The following TGFBR3 variants were observed in gnomAD, a reference collection of about 807,000 sequenced individuals.
TGFBR3 encodes the protein transforming growth factor beta receptor type 3.
Under a neutral mutation model 87.9 loss-of-function variants are expected in TGFBR3, and 46 were observed. That is an observed-to-expected ratio of 0.52 (90% confidence interval 0.41 to 0.67). The LOEUF (loss-of-function observed/expected upper bound fraction) is 0.67. Ranked by LOEUF, TGFBR3 falls within the 30% of genes least tolerant of loss-of-function variation. The pLI is 0.00. For missense variants in TGFBR3, 866 were observed against 1,041.9 expected (o/e 0.83, Z 2.32); for synonymous variants, 381 against 391.6 (o/e 0.97, Z 0.32).
rs1190949002 is a variant in TGFBR3, at chr1:91,716,260, T to C, written c.1842A>G (p.Pro614=). ...CCTCAACATAAACGTGTCCATTCTCTGGCACAGAGAAGACGCCCTGGGAGG... is the reference window on the plus strand; with the variant it reads ...CCTCAACATAAACGTGTCCATTCTCCGGCACAGAGAAGACGCCCTGGGAGG... The part of the protein sequence containing the change: ...LVPSQGVFSV[P]ENGHVYVEVS... Residue 614 remains proline, a synonymous_variant, in exon 12 of 17, where the codon CCA becomes CCG. Transcript: ENST00000212355. 1.2e-6 allele frequency: 2 copies of C among 1,614,176 alleles called. No individual in the cohort carries two copies. Among genetic ancestry groups the C allele is most frequent in the African/African-American group, 1.3e-5 (1 of 75,056 alleles).
At chr1:91,903,764 C>A (rs1679784292) in intron 1 of TGFBR3, among the ~76,000 whole-genome samples, 1 of 152,064 alleles carries the variant, frequency 6.6e-6, no homozygotes, top group Non-Finnish European at 1.5e-5. Context: ...CAGGAATAAG[C>A]TACATATGTA....
chr1:91,752,544 T>C (rs1673583472), intron 4 of TGFBR3, among the ~76,000 whole-genome samples: 1 of 152,178 alleles, frequency 6.6e-6, no homozygotes, highest in Admixed American at 6.5e-5. Flanking sequence ...CTTATGAGCA[T>C]GCAAAGTGAC....
intron 3 of TGFBR3, among the ~76,000 whole-genome samples, chr1:91,765,609 T>A (rs973172769): frequency 6.6e-6 from 1 of 152,166 alleles, no homozygotes; most frequent in Non-Finnish European, 1.5e-5. Context: ...GGGCCATCCA[T>A]GGGAACCATA....
chr1:91,813,657 C>G (rs1033287063), intron 2 of TGFBR3, among the ~76,000 whole-genome samples: 1 of 152,160 alleles, frequency 6.6e-6, no homozygotes, highest in Non-Finnish European at 1.5e-5. Context: ...CAGGTCAGTA[C>G]GAATGATCTA....
chr1:91,895,549 G>A (rs1017386594), intron 2 of TGFBR3, among the ~76,000 whole-genome samples: 5 of 151,878 alleles, frequency 3.3e-5, no homozygotes, highest in African/African-American at 1.2e-4. Flanking sequence ...TCAAACTCCT[G>A]GCCTTGAGTG....
chr1:91,752,018 G>C (rs1181177023), intron 4 of TGFBR3, among the ~76,000 whole-genome samples: 6 of 152,170 alleles, frequency 3.9e-5, no homozygotes, highest in Non-Finnish European at 7.3e-5. Context: ...AGGAAACGAG[G>C]TCTGAGTAGT....
At chr1:91,733,827 C>T (rs1672858013) in intron 5 of TGFBR3, among the ~76,000 whole-genome samples, 1 of 152,074 alleles carries the variant, frequency 6.6e-6, no homozygotes, top group Admixed American at 6.5e-5. Flanking sequence ...TCTTAACCAG[C>T]AGTTCAAAAC....
chr1:91,767,893 A>C (rs1262354865), intron 3 of TGFBR3, among the ~76,000 whole-genome samples: 1 of 152,138 alleles, frequency 6.6e-6, no homozygotes, highest in Non-Finnish European at 1.5e-5. Flanking sequence ...CACAGAAAAA[A>C]AAAAAAAAAG....
chr1:91,880,006 A>C (rs1008150232), intron 1 of TGFBR3, among the ~76,000 whole-genome samples: 4 of 152,208 alleles, frequency 2.6e-5, no homozygotes, highest in African/African-American at 9.7e-5. Flanking sequence ...AAACAATGCT[A>C]TCATTCCAAG....
upstream of TGFBR3, chr1:91,886,389 C>T: frequency 3.0e-6 from 1 of 336,560 alleles, no homozygotes; most frequent in East Asian, 9.0e-5. Flanking sequence ...GCCTGTGCTT[C>T]CCTTCGGGAC....
At chr1:91,833,526 G>C (rs895243492) in intron 2 of TGFBR3, among the ~76,000 whole-genome samples, 20 of 150,932 alleles carry the variant, frequency 1.3e-4, no homozygotes, top group African/African-American at 4.9e-4. Flanking sequence ...CCAGCACTTT[G>C]GGAGGCTGAG....
intron 14 of TGFBR3, among the ~76,000 whole-genome samples, chr1:91,705,478 C>G (rs1028431650): frequency 6.6e-6 from 1 of 152,086 alleles, no homozygotes; most frequent in Non-Finnish European, 1.5e-5. Context: ...ATCCACTCGC[C>G]TCGGCCTCCC....
chr1:91,739,818 G>T lies in TGFBR3; in HGVS notation c.385-4859C>A, dbSNP rs182109672. Among the ~76,000 whole-genome samples the T allele has an allele frequency of 2.9e-3, 449 of 152,286 alleles. 6 individuals are homozygous for T. The highest frequency in any genetic ancestry group is 0.024 in the East Asian group (124 of 5,180). On this transcript the variant is annotated intron_variant, in intron 4 of 16. Transcript: ENST00000212355. ...GCTGTACAGGAAGCATGGCTGGGAG[G>T]CCTCAGGAAACTTACAATCATGGTG...
chr1:91,854,684 G>A (rs1677871532), intron 2 of TGFBR3, among the ~76,000 whole-genome samples: 1 of 152,154 alleles, frequency 6.6e-6, no homozygotes, highest in Non-Finnish European at 1.5e-5. Flanking sequence ...ATGTAGACAT[G>A]TATAAAAACA....
intron 2 of TGFBR3, among the ~76,000 whole-genome samples, chr1:91,852,455 T>A (rs1326639630): frequency 5.9e-5 from 9 of 152,226 alleles, no homozygotes; most frequent in African/African-American, 2.2e-4. Context: ...GCTGTTTCTG[T>A]AGAAAAATCT....
chr1:91,824,195 G>A (rs1676550701), intron 2 of TGFBR3, among the ~76,000 whole-genome samples: 1 of 152,130 alleles, frequency 6.6e-6, no homozygotes, highest in Non-Finnish European at 1.5e-5. Flanking sequence ...TCGATATAAA[G>A]TTGATTTTAA....
At chr1:91,832,109 G>A (rs1019405695) in intron 2 of TGFBR3, among the ~76,000 whole-genome samples, 8 of 152,032 alleles carry the variant, frequency 5.3e-5, no homozygotes, top group Admixed American at 2.0e-4. Context: ...AAAATTCCAC[G>A]TAAAGGTAAA....
At chr1:91,848,210 G>A (rs1358153517) in intron 2 of TGFBR3, among the ~76,000 whole-genome samples, 2 of 152,200 alleles carry the variant, frequency 1.3e-5, no homozygotes, top group Admixed American at 6.5e-5. Flanking sequence ...GGTGTTTGCA[G>A]TTTCTGTGTT....
chr1:91,843,202 C>A (rs180897047), intron 2 of TGFBR3, among the ~76,000 whole-genome samples: 5 of 152,286 alleles, frequency 3.3e-5, no homozygotes, highest in Admixed American at 6.5e-5. Flanking sequence ...AAAATCCTAA[C>A]CCCAGTGTGA....
Sources: allele counts gnomAD v4.1 joint callset (sites outside exome capture counted in the v4.1 genomes callset), GRCh38; gene constraint gnomAD v4.1.1; transcripts MANE v1.5; gene names NCBI Gene and HGNC (gene_info 2026-07-23, HGNC 2026-07-21).